The following CFAP46 variants were observed in gnomAD, a reference collection of about 807,000 sequenced individuals.
CFAP46 encodes the protein cilia and flagella associated protein 46.
CFAP46 carries 245 observed loss-of-function variants against 325.7 expected under a neutral mutation model. The observed-to-expected ratio is 0.75, with a 90% CI of 0.68 to 0.84. The LOEUF (loss-of-function observed/expected upper bound fraction) is 0.84, where lower values mean the gene tolerates loss of function less well. CFAP46 is among the 40% of genes least tolerant of loss of function. The probability of loss-of-function intolerance (pLI) is 0.00; values close to 1 mark genes in which losing one functional copy is unlikely to be tolerated. For synonymous variants in CFAP46, 1,523 were observed against 1,495.9 expected, an observed-to-expected ratio of 1.02 and a Z score of -0.42; for missense variants, 3,346 against 3,543.0, an observed-to-expected ratio of 0.94 and a Z score of 1.41.
At chr10:132,875,843 A>T (rs937994924) in intron 31 of CFAP46, among the ~76,000 whole-genome samples, 1 of 152,224 alleles carries the variant, frequency 6.6e-6, no homozygotes, top group African/African-American at 2.4e-5. Context: ...CAAAAAACTG[A>T]CTAATTACAA....
At chr10:132,942,339 G>T (rs1471965329) in intron 1 of CFAP46, 97 bp downstream of exon 1, 1 of 1,009,774 alleles carries the variant, frequency 9.9e-7, no homozygotes, top group South Asian at 1.9e-5. Flanking sequence ...CCCATTGGGC[G>T]GGCTGGGATG....
At chr10:132,868,191 G>A (rs10781588) in intron 33 of CFAP46, among the ~76,000 whole-genome samples, 61,396 of 151,910 alleles carry the variant, frequency 0.4, 13,537 homozygotes, top group Admixed American at 0.54. Flanking sequence ...GCCCCTTGCC[G>A]CCGAGACGTC....
At chr10:132,852,051 G>A (rs889928279) in intron 39 of CFAP46, among the ~76,000 whole-genome samples, 12 of 151,220 alleles carry the variant, frequency 7.9e-5, no homozygotes, top group African/African-American at 2.2e-4. Context: ...CCACAGACGT[G>A]GTATGTTCCT....
chr10:132,809,691 C>G (rs1847539320), intron 57 of CFAP46, among the ~76,000 whole-genome samples: 1 of 152,090 alleles, frequency 6.6e-6, no homozygotes, highest in Admixed American at 6.5e-5. Context: ...TCCCCGGGGT[C>G]CCGGGAAGCT....
intron 22 of CFAP46, among the ~76,000 whole-genome samples, chr10:132,901,574 G>A (rs1849392591): frequency 6.6e-6 from 1 of 152,178 alleles, no homozygotes; most frequent in Non-Finnish European, 1.5e-5. Flanking sequence ...AGCCCGCCCT[G>A]TGTGTTTCCA....
intron 44 of CFAP46, among the ~76,000 whole-genome samples, chr10:132,844,045 G>A (rs1249603128): frequency 1.7e-5 from 2 of 120,066 alleles, no homozygotes; most frequent in African/African-American, 3.1e-5. Context: ...CCAGGGTGCT[G>A]TGGGGCTGTG....
rs552365396 is a variant in CFAP46 at position 132,838,825 on chromosome 10, A to G, written c.6439-1911T>C. ...TGCTGCACCCACGGGCTACTGTGCC[A>G]AGGGGCAGGCATGAGGCCCAGGGAG... On this transcript the variant is annotated intron_variant, in intron 44 of 57. Transcript: ENST00000368586. Among the ~76,000 whole-genome samples the G allele has an allele frequency of 1.3e-3, 198 of 152,368 alleles. 1 individual carries two copies. The highest frequency in any genetic ancestry group is 1.3e-4 in the Non-Finnish European group (9 of 68,032).
rs1432305071 is a variant in CFAP46, at chr10:132,809,525, G to A, written c.7665-621C>T. 4.6e-5 allele frequency among the ~76,000 whole-genome samples: 7 copies of A among 152,256 alleles called. No individual in the cohort carries two copies. The East Asian group carries it at 1.2e-3, about 25-fold the overall frequency. ...AGGGATCCTTGGGACCGGTATCCCC[G>A]GACCGTGGACCACGTGCTCTTTACA... On this transcript the variant is annotated intron_variant, in intron 57 of 57. Coordinates refer to ENST00000368586, the MANE Select transcript of CFAP46 (RefSeq NM_001200049.3).
chr10:132,893,875 T>G (rs1391978757), intron 24 of CFAP46, among the ~76,000 whole-genome samples: 1 of 152,132 alleles, frequency 6.6e-6, no homozygotes, highest in Non-Finnish European at 1.5e-5. Flanking sequence ...TGCAGCCCCC[T>G]GTGGGTTTGC....
Position 132,922,671 on chromosome 10 carries a change from T to C in CFAP46, c.1294A>G (p.Met432Val). ...TCCTCGTCCTCCTCGATCTGCGCCA[T>C]CTCCATGTGCACTTGACAGCGGAGA... is the stretch of plus-strand genomic sequence containing the variant. Reference protein sequence around the residue: ...TLLRCQVHMEMAQIEEDEDRL... With the variant: ...TLLRCQVHMEVAQIEEDEDRL... Residue 432 changes from methionine (M) to valine (V), a missense_variant, in exon 12 of 58, where the codon ATG becomes GTG. By Grantham distance (21) the Met-to-Val change is conservative (BLOSUM62 1). Coordinates refer to ENST00000368586, the MANE Select transcript of CFAP46 (RefSeq NM_001200049.3). 6.5e-7 allele frequency: 1 copy of C among 1,549,946 alleles called. No homozygotes were observed. Among genetic ancestry groups the C allele is most frequent in the Non-Finnish European group, 8.7e-7 (1 of 1,146,738 alleles).
chr10:132,929,131 T>G, intron 9 of CFAP46: 1 of 241,274 alleles, frequency 4.1e-6, no homozygotes, highest in Non-Finnish European at 8.1e-6. Context: ...CGAAACCCGA[T>G]TATACTGTGA....
intron 50 of CFAP46, among the ~76,000 whole-genome samples, chr10:132,821,758 G>C (rs1847839731): frequency 7.2e-6 from 1 of 138,844 alleles, no homozygotes; most frequent in African/African-American, 2.8e-5. Context: ...TGTGTGCTGT[G>C]TGTGTGCTGT....
In CFAP46 at chr10:132,860,482, G is replaced by A. The variant is rs913060342; in HGVS notation, c.5133C>T (p.Ile1711=). The A allele has an allele frequency of 6.4e-7, 1 of 1,551,190 alleles. No homozygotes were observed. The highest frequency in any genetic ancestry group is 1.2e-5 in the South Asian group (1 of 84,042). ...ATCGGTTTGGTCTTTCTTTCTTGAGGATCTTGAAGGCATTGATGAGCTTCT... is the reference window on the plus strand; with the variant it reads ...ATCGGTTTGGTCTTTCTTTCTTGAGAATCTTGAAGGCATTGATGAGCTTCT... ...IFQKLINAFK[I]LKKERPNRLP... The change falls in exon 37 of 58, where the codon ATC becomes ATT. Residue 1711 remains isoleucine (I), a synonymous_variant. Transcript: ENST00000368586.
chr10:132,831,718 A>G (rs528929213), intron 50 of CFAP46, among the ~76,000 whole-genome samples: 109 of 152,278 alleles, frequency 7.2e-4, no homozygotes, highest in Non-Finnish European at 1.1e-3. Context: ...GGGTGTTTAG[A>G]CACTTAATGT....
In CFAP46 at chr10:132,939,475, T is replaced by C. The variant is rs761675083; in HGVS notation, c.372-722A>G. On this transcript the variant is annotated intron_variant, in intron 4 of 57. Transcript: ENST00000368586. The surrounding 1 kb of genome is among the most constrained non-coding windows in gnomAD (Gnocchi z 4.6). ...CCACTCCACAGTGGGGCAGGCCAGC[T>C]CTGCCATGTAGGGCCTGTGTGCCTT... Among the ~76,000 whole-genome samples, 3 of 152,172 alleles carry C rather than the reference T, an allele frequency of 2.0e-5. No individual in the cohort carries two copies. The highest frequency in any genetic ancestry group is 4.4e-5 in the Non-Finnish European group (3 of 68,024).
At chr10:132,841,713 G>A (rs1318175174) in intron 44 of CFAP46, among the ~76,000 whole-genome samples, 3 of 152,318 alleles carry the variant, frequency 2.0e-5, no homozygotes, top group African/African-American at 7.2e-5. Context: ...GGCCAATGCT[G>A]TGGCCACACC....
intron 44 of CFAP46, among the ~76,000 whole-genome samples, chr10:132,845,797 G>A (rs1406566898): frequency 6.6e-6 from 1 of 152,190 alleles, no homozygotes; most frequent in African/African-American, 2.4e-5. Context: ...CTGCAGGCCT[G>A]GCTGTGCGTT....
Position 132,919,020 on chromosome 10 carries a change from G to A in CFAP46, c.1858+295C>T, listed in dbSNP as rs570395511. Among the ~76,000 whole-genome samples the A allele has an allele frequency of 9.2e-5, 14 of 152,138 alleles. No homozygotes were observed. The highest frequency in any genetic ancestry group is 1.9e-4 in the Non-Finnish European group (13 of 68,026). On this transcript the variant is annotated intron_variant, in intron 15 of 57. Transcript: ENST00000368586. The surrounding 1 kb of genome is among the most constrained non-coding windows in gnomAD (Gnocchi z 9.7). The stretch of plus-strand genomic sequence containing the variant: ...ACTGCCCTCTGCCTGCAGGTGCCCC[G>A]CATGGGCATCTGCTCACTGGCTGTG...
chr10:132,933,299 G>A (rs888932083), intron 8 of CFAP46, among the ~76,000 whole-genome samples: 2 of 152,204 alleles, frequency 1.3e-5, no homozygotes, highest in East Asian at 1.9e-4. Flanking sequence ...GAGCTCCAGC[G>A]CACAGGCCTG....
Sources: allele counts gnomAD v4.1 joint callset (sites outside exome capture counted in the v4.1 genomes callset), GRCh38; gene constraint gnomAD v4.1.1; non-coding constraint Gnocchi (gnomAD v3.1); transcripts MANE v1.5; gene names NCBI Gene and HGNC (gene_info 2026-07-23, HGNC 2026-07-21).